ABCC6: variants seen among roughly 807,000 people sequenced by gnomAD.
The protein encoded by ABCC6 is ATP-binding cassette sub-family C member 6.
In ABCC6, 126 loss-of-function variants were observed where a neutral mutation model predicts 169.5. The observed-to-expected ratio is 0.74, with a 90% CI of 0.64 to 0.86. The LOEUF (loss-of-function observed/expected upper bound fraction) is 0.86, where lower values mean the gene tolerates loss of function less well. Ranked by LOEUF, ABCC6 falls within the 40% of genes least tolerant of loss-of-function variation. The pLI is 0.00. For missense variants in ABCC6, 1,733 were observed against 1,927.2 expected (o/e 0.90, Z 1.89); for synonymous variants, 752 against 814.7 (o/e 0.92, Z 1.31).
chr16:16,164,766 G>A (rs779349126), intron 23 of ABCC6, among the ~76,000 whole-genome samples: 2 of 152,130 alleles, frequency 1.3e-5, no homozygotes, highest in Non-Finnish European at 2.9e-5. Flanking sequence ...TAGTATCTGA[G>A]GCAGTAGTCC....
At chr16:16,171,042 T>G (rs1245480285) in intron 21 of ABCC6, among the ~76,000 whole-genome samples, 1 of 150,836 alleles carries the variant, frequency 6.6e-6, no homozygotes, top group Non-Finnish European at 1.5e-5. Flanking sequence ...TCTGGCACCC[T>G]AAGCTACTTC....
At chr16:16,163,981 A>G (rs1247448911) in intron 23 of ABCC6, among the ~76,000 whole-genome samples, 1 of 152,124 alleles carries the variant, frequency 6.6e-6, no homozygotes, top group Non-Finnish European at 1.5e-5. Context: ...CTCGGAGTCA[A>G]GTGAACTTAG....
intron 29 of ABCC6, 111 bp downstream of exon 29, chr16:16,154,517 A>T (rs2046476620): frequency 7.4e-7 from 1 of 1,355,268 alleles, no homozygotes; most frequent in Admixed American, 1.9e-5. Flanking sequence ...TTATTAATGT[A>T]ACAGAGTGAT....
intron 17 of ABCC6, among the ~76,000 whole-genome samples, chr16:16,181,277 A>T (rs2047459839): frequency 6.8e-6 from 1 of 146,086 alleles, no homozygotes. Context: ...CAGGAGGTGG[A>T]GGTTACAGTG....
chr16:16,182,566 TG>T lies in ABCC6; in HGVS notation c.2092del (p.Gln698ArgfsTer11), dbSNP rs1473701362. The T allele has an allele frequency of 6.2e-7, 1 of 1,612,904 alleles. No individual in the cohort carries two copies. Among genetic ancestry groups the T allele is most frequent in the East Asian group, 2.2e-5 (1 of 44,810 alleles). On this transcript the variant is annotated frameshift_variant, in exon 17 of 31. Transcript: ENST00000205557. LOFTEE classifies it high-confidence loss of function. The stretch of plus-strand genomic sequence containing the variant: ...AGAGGTGTTCTGCACCCAGGCCTCC[TG>T]GGGCACGTAGGCCACAGCACCCTAA... ...SIEGAVAYVPQEAWVQNTSVV... is the reference protein window; with the variant it reads ...SIEGAVAYVPXEAWVQNTSVV...
At chr16:16,205,035 A>G (rs2048350779) in intron 7 of ABCC6, among the ~76,000 whole-genome samples, 1 of 151,768 alleles carries the variant, frequency 6.6e-6, no homozygotes, top group African/African-American at 2.4e-5. Context: ...AGGGTTTCAC[A>G]ACGTTAGCCA....
chr16:16,164,192 C>T (rs2046811676), intron 23 of ABCC6, among the ~76,000 whole-genome samples: 1 of 152,132 alleles, frequency 6.6e-6, no homozygotes, highest in Non-Finnish European at 1.5e-5. Context: ...CGCCACCACA[C>T]TGGCTAAATT....
At chr16:16,217,684 C>T (rs2048928380) in intron 4 of ABCC6, among the ~76,000 whole-genome samples, 1 of 152,232 alleles carries the variant, frequency 6.6e-6, no homozygotes. Flanking sequence ...ATTATTGTTT[C>T]TATGCTGTGT....
intron 10 of ABCC6, 101 bp downstream of exon 10, chr16:16,197,920 A>C: frequency 7.4e-7 from 1 of 1,350,476 alleles, no homozygotes; most frequent in Non-Finnish European, 1.0e-6. Context: ...AGCCTCTTGA[A>C]TGCTAAGTCA....
chr16:16,187,145 C>G lies in ABCC6; in HGVS notation c.1846G>C (p.Asp616His). Reference protein sequence around the residue: ...CLEEVDPGVVDSSSSGSAAGK... With the variant: ...CLEEVDPGVVHSSSSGSAAGK... ...TCACCGCTTCCAGAGGAACTTGAGT[C>G]TACGACACCAGGGTCAACTTCTTCC... Residue 616 changes from aspartate to histidine, a missense_variant, in exon 14 of 31, where the codon GAC (aspartate) becomes CAC (histidine). This residue lies in a region of ABCC6 where 1,601 missense variants were observed against 1,635.5 expected (regional missense o/e 0.98). Transcript: ENST00000205557. 1 of 1,613,588 alleles carries G rather than the reference C, an allele frequency of 6.2e-7. No homozygotes were observed. Among genetic ancestry groups the G allele is most frequent in the South Asian group, 1.1e-5 (1 of 91,006 alleles).
chr16:16,177,478 C>G lies in ABCC6; in HGVS notation c.2564G>C (p.Arg855Thr). 1.2e-6 allele frequency: 2 copies of G among 1,614,188 alleles called. No homozygotes were observed. Among genetic ancestry groups the G allele is most frequent in the Admixed American group, 1.7e-5 (1 of 60,022 alleles). The change falls in exon 19 of 31, where the codon AGA (arginine) becomes ACA (threonine). Residue 855 changes from arginine (R) to threonine (T), a missense_variant. This residue lies in a region of ABCC6 where 1,601 missense variants were observed against 1,635.5 expected (regional missense o/e 0.98). Coordinates refer to ENST00000205557, the MANE Select transcript of ABCC6 (RefSeq NM_001171.6). The stretch of plus-strand genomic sequence containing the variant: ...TCCTTCTCCTCTATCTCCTGGCTGT[C>G]TGGCTTGATCCAGAAGACACATGAG... Reference protein sequence around the residue: ...GALMCLLDQARQPGDRGEGET... With the variant: ...GALMCLLDQATQPGDRGEGET...
intron 26 of ABCC6, among the ~76,000 whole-genome samples, chr16:16,158,319 G>A (rs774707919): frequency 6.6e-6 from 1 of 152,102 alleles, no homozygotes; most frequent in Non-Finnish European, 1.5e-5. Flanking sequence ...ACGCTGTTAT[G>A]TTACTGTTAC....
At chr16:16,167,313 G>A (rs11644687) in intron 22 of ABCC6, among the ~76,000 whole-genome samples, 1 of 152,102 alleles carries the variant, frequency 6.6e-6, no homozygotes, top group African/African-American at 2.4e-5. Flanking sequence ...CTGCCAGGGG[G>A]AGCAGCTAAG....
At chr16:16,183,451 G>A (rs1401491204) in intron 15 of ABCC6, among the ~76,000 whole-genome samples, 3 of 152,086 alleles carry the variant, frequency 2.0e-5, no homozygotes, top group Non-Finnish European at 1.5e-5. Context: ...GTGACCAGAG[G>A]GATCTGTTAA....
intron 18 of ABCC6, 53 bp from the exon 19 acceptor site, chr16:16,177,679 A>T (rs748034873): frequency 5.0e-6 from 8 of 1,603,002 alleles, no homozygotes; most frequent in Non-Finnish European, 6.8e-6. Context: ...GCAGTGGCTC[A>T]TGCCTGTAAT....
At chr16:16,195,087 G>A (rs1031810166) in intron 10 of ABCC6, among the ~76,000 whole-genome samples, 12 of 152,106 alleles carry the variant, frequency 7.9e-5, no homozygotes, top group African/African-American at 2.4e-4. Context: ...CCAGCCCACA[G>A]CAGGGCTTGG....
chr16:16,198,092 T>G lies in ABCC6; in HGVS notation c.1267A>C (p.Ser423Arg). 1 of 1,613,784 alleles carries G rather than the reference T, an allele frequency of 6.2e-7. No homozygotes were observed. Among genetic ancestry groups the G allele is most frequent in the African/African-American group, 1.3e-5 (1 of 74,998 alleles). Reference protein sequence around the residue: ...VSVDVQRLTESVLYLNGLWLP... With the variant: ...VSVDVQRLTERVLYLNGLWLP... ...CACAGCCCGTTGAGGTAGAGGACGC[T>G]CTCGGTCAGCCGCTGCACGTCCACG... The change falls in exon 10 of 31, where the codon AGC (serine) becomes CGC (arginine). Residue 423 changes from serine (S) to arginine (R), a missense_variant. By Grantham distance (110) the Ser-to-Arg change is moderately radical. Around this residue, in one of 5 missense-constraint regions of ABCC6, gnomAD observed 1,601 missense variants for 1,635.5 expected, o/e 0.98. Transcript: ENST00000205557.
chr16:16,207,369 C>G lies in ABCC6; in HGVS notation c.794+1359G>C, dbSNP rs555607949. 2.6e-5 allele frequency among the ~76,000 whole-genome samples: 4 copies of G among 152,312 alleles called. No homozygotes were observed. In the East Asian group the frequency reaches 7.7e-4, roughly 29 times the overall value. ...CTATATGGACGTTAGGAGAGAGATG[C>G]TCTCTTATTCTGCTGGAGTTTGCTG... On this transcript the variant is annotated intron_variant, in intron 7 of 30. Transcript: ENST00000205557.
chr16:16,154,564 G>C, intron 29 of ABCC6, 64 bp downstream of exon 29: 1 of 1,595,520 alleles, frequency 6.3e-7, no homozygotes, highest in Middle Eastern at 2.3e-4. Context: ...AAGGCCCTTG[G>C]GGAGGGCATG....
Sources: allele counts gnomAD v4.1 joint callset (sites outside exome capture counted in the v4.1 genomes callset), GRCh38; gene constraint gnomAD v4.1.1; regional missense constraint gnomAD v4.1.1; transcripts MANE v1.5; gene names NCBI Gene and HGNC (gene_info 2026-07-23, HGNC 2026-07-21).